GLI2: variants seen among roughly 807,000 people sequenced by gnomAD.
GLI2 encodes transcription activator GLI2.
A neutral mutation model predicts 78.9 loss-of-function variants in GLI2; 22 were observed. That is an observed-to-expected ratio of 0.28 (90% CI 0.20 to 0.40). The LOEUF is 0.40. Among genes scored for constraint, GLI2 ranks in the 10% least tolerant of loss-of-function variants. The pLI is 1.00. For missense variants in GLI2, 2,097 were observed against 2,213.2 expected (o/e 0.95, Z 1.05); for synonymous variants, 974 against 963.7 (o/e 1.01, Z -0.20).
At chr2:120,893,671 A>G (rs1015172813) in intron 2 of GLI2, among the ~76,000 whole-genome samples, 2 of 151,470 alleles carry the variant, frequency 1.3e-5, no homozygotes, top group African/African-American at 4.8e-5. Flanking sequence ...AAAAAAAAGG[A>G]AAAAGAAAAG....
intron 2 of GLI2, among the ~76,000 whole-genome samples, chr2:120,847,162 A>G (rs573628929): frequency 6.6e-6 from 1 of 152,138 alleles, no homozygotes. Context: ...TAGTCCTAGG[A>G]AAACCTGAGG....
intron 2 of GLI2, among the ~76,000 whole-genome samples, chr2:120,923,198 T>C (rs1283373163): frequency 1.3e-5 from 2 of 149,026 alleles, no homozygotes; most frequent in Non-Finnish European, 3.0e-5. Flanking sequence ...CAGCAACACT[T>C]ATACACATAC....
chr2:120,736,825 C>A (rs1248719921), intron 1 of GLI2, among the ~76,000 whole-genome samples: 1 of 151,668 alleles, frequency 6.6e-6, no homozygotes, highest in Non-Finnish European at 1.5e-5. Flanking sequence ...CCTTCCTCCC[C>A]CTCGCCCGGC....
At chr2:120,962,813 A>T (rs1319717011) in intron 5 of GLI2, among the ~76,000 whole-genome samples, 4 of 152,232 alleles carry the variant, frequency 2.6e-5, no homozygotes, top group Non-Finnish European at 5.9e-5. Flanking sequence ...TGTTAGGGGC[A>T]CATGAGAGGG....
chr2:120,989,133 C>A lies in GLI2; in HGVS notation c.3168C>A (p.His1056Gln), dbSNP rs780785079. The change falls in exon 14 of 14, where the codon CAC (histidine) becomes CAA (glutamine). Residue 1056 changes from histidine (H) to glutamine (Q), a missense_variant. Physicochemically the swap from His to Gln is conservative, Grantham distance 24. Coordinates refer to ENST00000361492, the MANE Select transcript of GLI2 (RefSeq NM_001374353.1). ...PDDVVQYIKA[H>Q]ASGALDEGTG... ...ACGTGGTGCAGTACATCAAGGCGCA[C>A]GCCAGTGGCGCTCTGGACGAGGGCA... 6.2e-7 allele frequency: 1 copy of A among 1,612,996 alleles called. No homozygotes were observed. Among genetic ancestry groups the A allele is most frequent in the South Asian group, 1.1e-5 (1 of 91,092 alleles).
At chr2:120,886,159 AGTGT>A (rs532891541) in intron 2 of GLI2, among the ~76,000 whole-genome samples, 3,840 of 116,438 alleles carry the variant, frequency 0.033, 75 homozygotes, top group Non-Finnish European at 0.047. Flanking sequence ...ATTTTTCCAA[AGTGT>A]GTGTGTGTGT....
At chr2:120,905,858 G>A (rs1276480375) in intron 2 of GLI2, among the ~76,000 whole-genome samples, 1 of 150,090 alleles carries the variant, frequency 6.7e-6, no homozygotes, top group East Asian at 1.9e-4. Flanking sequence ...ATTGGGGGAG[G>A]GCTACACTGC....
intron 1 of GLI2, among the ~76,000 whole-genome samples, chr2:120,741,473 C>T (rs1227395183): frequency 6.6e-6 from 1 of 150,944 alleles, no homozygotes; most frequent in Non-Finnish European, 1.5e-5. Flanking sequence ...TCTCTCCTTT[C>T]TCTCCCTCTC....
chr2:120,847,761 C>CA (rs1553456274), intron 2 of GLI2, among the ~76,000 whole-genome samples: 2 of 103,800 alleles, frequency 1.9e-5, no homozygotes, highest in Non-Finnish European at 4.1e-5. Flanking sequence ...GGGGCAGGGG[C>CA]GGGGGGGCGG....
chr2:120,919,433 G>A (rs1679262219), intron 2 of GLI2, among the ~76,000 whole-genome samples: 1 of 152,268 alleles, frequency 6.6e-6, no homozygotes, highest in South Asian at 2.1e-4. Context: ...CCCCAGGAGT[G>A]CTTTGTGTGC....
In GLI2 at chr2:120,879,148, C is replaced by T. The variant is rs535443743; in HGVS notation, c.149-48213C>T. 1.6e-4 allele frequency among the ~76,000 whole-genome samples: 24 copies of T among 152,242 alleles called. No individual in the cohort carries two copies. The South Asian group carries it at 5.0e-3, about 32-fold the overall frequency. The stretch of plus-strand genomic sequence containing the variant: ...TCTCGGTTGCGGATCAGTTTCCTTC[C>T]CCAGGAGGGGCAGGGACTTCACTTT... On this transcript the variant is annotated intron_variant, in intron 2 of 13. Transcript: ENST00000361492.
chr2:120,820,807 G>A (rs1161041909), intron 2 of GLI2, among the ~76,000 whole-genome samples: 1 of 152,180 alleles, frequency 6.6e-6, no homozygotes, highest in South Asian at 2.1e-4. Context: ...CAGTGGCCAC[G>A]GAGCAGGCAG....
At chr2:120,881,116 C>T (rs1205108469) in intron 2 of GLI2, among the ~76,000 whole-genome samples, 1 of 152,170 alleles carries the variant, frequency 6.6e-6, no homozygotes, top group Admixed American at 6.5e-5. Context: ...CACCTGACAC[C>T]CTTTCAGGCA....
intron 1 of GLI2, among the ~76,000 whole-genome samples, chr2:120,788,653 T>C (rs1328996295): frequency 6.6e-6 from 1 of 152,218 alleles, no homozygotes; most frequent in African/African-American, 2.4e-5. Context: ...GGGTTAATTA[T>C]CTGTTTTCCT....
chr2:120,805,269 G>A (rs1280672877), intron 2 of GLI2, among the ~76,000 whole-genome samples: 2 of 152,190 alleles, frequency 1.3e-5, no homozygotes, highest in African/African-American at 4.8e-5. Context: ...GCCCCTGCCT[G>A]TCGCTCCCCT....
At chr2:120,846,079 G>A (rs1256625960) in intron 2 of GLI2, among the ~76,000 whole-genome samples, 4 of 152,172 alleles carry the variant, frequency 2.6e-5, no homozygotes, top group Non-Finnish European at 5.9e-5. Flanking sequence ...TCCGAAGCAC[G>A]ACTAGACCTA....
intron 5 of GLI2, among the ~76,000 whole-genome samples, chr2:120,963,693 C>A (rs1681701482): frequency 6.6e-6 from 1 of 152,236 alleles, no homozygotes; most frequent in Non-Finnish European, 1.5e-5. Context: ...ACTCCCTGCC[C>A]CCTGAGACAC....
rs138327826 is a variant in GLI2 at position 120,963,437 on chromosome 2, TTG to T, written c.644-5260_644-5259del. 1.5e-4 allele frequency among the ~76,000 whole-genome samples: 22 copies of T among 151,460 alleles called. No homozygotes were observed. The East Asian group carries it at 3.9e-3, about 27-fold the overall frequency. Reference sequence around the variant, plus strand: ...GGCAGAGGCTGTGTGCCTCTGCATCTTGTGTGTGTGTGTGTGTGCGCGCACGC... The same window carrying T: ...GGCAGAGGCTGTGTGCCTCTGCATCTTGTGTGTGTGTGTGTGCGCGCACGC... On this transcript the variant is annotated intron_variant, in intron 5 of 13. Transcript: ENST00000361492.
chr2:120,747,799 G>A (rs1042287162), intron 1 of GLI2, among the ~76,000 whole-genome samples: 1 of 152,186 alleles, frequency 6.6e-6, no homozygotes, highest in Non-Finnish European at 1.5e-5. Flanking sequence ...TCTGACAGTG[G>A]GGCTGTCAAA....
Sources: allele counts gnomAD v4.1 joint callset (sites outside exome capture counted in the v4.1 genomes callset), GRCh38; gene constraint gnomAD v4.1.1; transcripts MANE v1.5; gene names NCBI Gene and HGNC (gene_info 2026-07-23, HGNC 2026-07-21).